The following USP22 variants were observed in gnomAD, a reference collection of about 807,000 sequenced individuals.
USP22 encodes ubiquitin specific peptidase 22, also known as ubiquitin carboxyl-terminal hydrolase 22.
A neutral mutation model predicts 68.1 loss-of-function variants in USP22; 22 were observed. That is an observed-to-expected ratio of 0.32 (90% CI 0.23 to 0.46). USP22 has a LOEUF of 0.46. Among genes scored for constraint, USP22 ranks in the 20% least tolerant of loss-of-function variants. The pLI is 1.00. For synonymous variants in USP22, 279 were observed against 274.2 expected (o/e 1.02, Z -0.17); for missense variants, 433 against 695.8 (o/e 0.62, Z 4.25).
intron 1 of USP22, among the ~76,000 whole-genome samples, chr17:21,033,753 A>ATTT (rs34176328): frequency 6.8e-6 from 1 of 146,134 alleles, no homozygotes; most frequent in Non-Finnish European, 1.5e-5. Flanking sequence ...GACAGGTATA[A>ATTT]TTTTTTTTTT....
At chr17:21,007,758 T>G in intron 9 of USP22, 112 bp downstream of exon 9, 1 of 1,366,824 alleles carries the variant, frequency 7.3e-7, no homozygotes, top group South Asian at 1.3e-5. Flanking sequence ...GTGTTCTTCC[T>G]GCTTGCTGCA....
intron 2 of USP22, among the ~76,000 whole-genome samples, chr17:21,022,500 T>G (rs1356524234): frequency 6.6e-6 from 1 of 152,110 alleles, no homozygotes; most frequent in African/African-American, 2.4e-5. Context: ...ATTCAACAAT[T>G]TATAAACAAC....
intron 2 of USP22, among the ~76,000 whole-genome samples, chr17:21,025,127 A>C (rs1972204116): frequency 6.6e-6 from 1 of 152,024 alleles, no homozygotes; most frequent in African/African-American, 2.4e-5. Flanking sequence ...ATACACACAC[A>C]CCCCAACACA....
At chr17:21,004,173 G>A in intron 12 of USP22, 29 bp downstream of exon 12, 1 of 1,610,038 alleles carries the variant, frequency 6.2e-7, no homozygotes, top group Non-Finnish European at 8.5e-7. Context: ...AGCCACCGTA[G>A]GGCCTTCCTC....
At chr17:21,005,451 T>C (rs111914349) in intron 10 of USP22, among the ~76,000 whole-genome samples, 5 of 152,110 alleles carry the variant, frequency 3.3e-5, no homozygotes, top group Non-Finnish European at 5.9e-5. Flanking sequence ...CCTGGTGAGA[T>C]GGGGGAGAGG....
chr17:21,028,214 A>G (rs1972245968), intron 2 of USP22, among the ~76,000 whole-genome samples: 1 of 152,178 alleles, frequency 6.6e-6, no homozygotes, highest in South Asian at 2.1e-4. Context: ...CTCTTTCTTT[A>G]TAAATGTTTG....
At chr17:21,040,732 G>A (rs955982143) in intron 1 of USP22, among the ~76,000 whole-genome samples, 1 of 152,050 alleles carries the variant, frequency 6.6e-6, no homozygotes, top group Non-Finnish European at 1.5e-5. Context: ...GGGAGGGAAC[G>A]GAAAAAGAAA....
At chr17:21,008,464 T>C (rs1913845955) in intron 8 of USP22, among the ~76,000 whole-genome samples, 1 of 152,180 alleles carries the variant, frequency 6.6e-6, no homozygotes, top group Admixed American at 6.5e-5. Context: ...TCCCAAGCTG[T>C]ACCCTGGATG....
intron 2 of USP22, among the ~76,000 whole-genome samples, chr17:21,024,261 G>A (rs1331536267): frequency 6.6e-6 from 1 of 152,176 alleles, no homozygotes; most frequent in Admixed American, 6.5e-5. Context: ...GTAAGGCCAA[G>A]ATATCCCGTG....
chr17:21,018,513 G>A (rs778732791), intron 4 of USP22, among the ~76,000 whole-genome samples: 1 of 152,044 alleles, frequency 6.6e-6, no homozygotes, highest in Non-Finnish European at 1.5e-5. Flanking sequence ...CCAGGAGTTC[G>A]AGACCAGCCT....
chr17:21,008,469 T>C (rs911906828), intron 8 of USP22, among the ~76,000 whole-genome samples: 22 of 152,316 alleles, frequency 1.4e-4, no homozygotes, highest in African/African-American at 5.3e-4. Flanking sequence ...AGCTGTACCC[T>C]GGATGCGTCC....
chr17:21,043,299 AC>A (rs764623373), upstream of USP22: 852 of 11,530 alleles, frequency 0.074, 305 homozygotes, highest in Admixed American at 0.083. Context: ...GTAGTAGGCC[AC>A]CCCCCCCCCC....
chr17:21,038,097 C>T (rs1972379569), intron 1 of USP22, among the ~76,000 whole-genome samples: 1 of 152,108 alleles, frequency 6.6e-6, no homozygotes, highest in African/African-American at 2.4e-5. Context: ...AAGTAAATTC[C>T]TCAAAGAAAC....
intron 1 of USP22, among the ~76,000 whole-genome samples, chr17:21,034,695 G>A (rs534275860): frequency 1.2e-4 from 19 of 152,136 alleles, no homozygotes; most frequent in African/African-American, 4.6e-4. Context: ...ATGTGATCAC[G>A]GATAAAAGTG....
rs566462056 is a variant in USP22 at position 21,014,935 on chromosome 17, G to GC, written c.838+816dup. ...ACTGATTAAGAGTGAAGAAGCCCCT[G>GC]CCCCCCACAGATCTGCTGAATCAGA... On this transcript the variant is annotated intron_variant, in intron 6 of 12. Transcript: ENST00000261497. Among the ~76,000 whole-genome samples the GC allele has an allele frequency of 3.2e-3, 489 of 152,232 alleles. 5 individuals carry two copies. Among genetic ancestry groups the GC allele is most frequent in the African/African-American group, 0.011 (471 of 41,546 alleles).
chr17:21,040,136 T>C (rs111553038), intron 1 of USP22, among the ~76,000 whole-genome samples: 82 of 152,280 alleles, frequency 5.4e-4, no homozygotes, highest in African/African-American at 1.8e-3. Flanking sequence ...GACCAGACCA[T>C]TGCACTCCAT....
At chr17:21,022,284 A>C (rs1240183539) in intron 2 of USP22, among the ~76,000 whole-genome samples, 3 of 152,034 alleles carry the variant, frequency 2.0e-5, no homozygotes, top group Non-Finnish European at 4.4e-5. Flanking sequence ...AATCGTGTGC[A>C]TGTCCAGTTT....
In USP22 at chr17:21,002,766, T is replaced by C. The variant is rs780497278; in HGVS notation, c.*265A>G. Reference sequence around the variant, plus strand: ...CCATGTCATGACACAAGAGATGTTCTGGTGACGGGTGTACGCTGCTCCTCC... The same window carrying C: ...CCATGTCATGACACAAGAGATGTTCCGGTGACGGGTGTACGCTGCTCCTCC... On this transcript the variant is annotated 3_prime_UTR_variant, in exon 13 of 13. Transcript: ENST00000261497. 11 of 432,404 alleles carry C rather than the reference T, an allele frequency of 2.5e-5. No individual in the cohort carries two copies. The highest frequency in any genetic ancestry group is 4.3e-5 in the Non-Finnish European group (10 of 230,364). 26.8% of individuals were successfully genotyped at this position (432,404 alleles called of 1,614,324 possible).
intron 1 of USP22, among the ~76,000 whole-genome samples, chr17:21,037,401 C>G (rs751488026): frequency 1.1e-4 from 16 of 152,094 alleles, no homozygotes; most frequent in South Asian, 1.0e-3. Context: ...GCAAACATGA[C>G]TTCGGCCATT....
Sources: allele counts gnomAD v4.1 joint callset (sites outside exome capture counted in the v4.1 genomes callset), GRCh38; gene constraint gnomAD v4.1.1; transcripts MANE v1.5; gene names NCBI Gene and HGNC (gene_info 2026-07-23, HGNC 2026-07-21).